The following PHF21A variants were observed in gnomAD, a reference collection of about 807,000 sequenced individuals.
PHF21A encodes the protein PHD finger protein 21A, also known as BHC80a.
Under a neutral mutation model 82.5 loss-of-function variants are expected in PHF21A, and 11 were observed. The ratio of observed to expected loss-of-function variants is 0.13; its 90% CI spans 0.08 to 0.22. PHF21A has a LOEUF of 0.22. PHF21A is among the 10% of genes least tolerant of loss of function. The pLI, the probability that PHF21A is intolerant of heterozygous loss-of-function variation, is 1.00. For synonymous variants in PHF21A, 297 were observed against 302.8 expected (o/e 0.98, Z 0.20); for missense variants, 579 against 837.8 (o/e 0.69, Z 3.81).
intron 6 of PHF21A, among the ~76,000 whole-genome samples, chr11:46,071,839 C>G (rs942144092): frequency 3.3e-5 from 5 of 151,808 alleles, no homozygotes; most frequent in Non-Finnish European, 5.9e-5. Context: ...ATCATGTTCT[C>G]AAAGAACACT....
chr11:46,039,447 C>G (rs941354045), intron 6 of PHF21A, among the ~76,000 whole-genome samples: 1 of 152,098 alleles, frequency 6.6e-6, no homozygotes, highest in African/African-American at 2.4e-5. Flanking sequence ...ATGGGGAAGC[C>G]TGAGAATAGT....
At chr11:45,937,225 CT>C (rs1458752368) in intron 16 of PHF21A, among the ~76,000 whole-genome samples, 1 of 152,126 alleles carries the variant, frequency 6.6e-6, no homozygotes, top group African/African-American at 2.4e-5. Flanking sequence ...AGCTATTGGG[CT>C]TGCTTATTTA....
chr11:45,939,876 C>G (rs1208300636), intron 15 of PHF21A, among the ~76,000 whole-genome samples: 2 of 151,464 alleles, frequency 1.3e-5, no homozygotes, highest in Non-Finnish European at 2.9e-5. Flanking sequence ...ATAAGAACAC[C>G]AGGGAAGGGA....
At chr11:46,114,886 C>T (rs2097269231) in intron 1 of PHF21A, among the ~76,000 whole-genome samples, 1 of 152,066 alleles carries the variant, frequency 6.6e-6, no homozygotes. Context: ...AAAACAAAAC[C>T]CATCTTTTTG....
chr11:45,976,896 A>T (rs985687327), intron 7 of PHF21A, among the ~76,000 whole-genome samples: 9 of 152,204 alleles, frequency 5.9e-5, no homozygotes, highest in African/African-American at 2.2e-4. Flanking sequence ...CAAAAACCAA[A>T]AACTCAGAGG....
intron 1 of PHF21A, among the ~76,000 whole-genome samples, chr11:46,109,585 A>G (rs2097188341): frequency 6.6e-6 from 1 of 152,190 alleles, no homozygotes; most frequent in Admixed American, 6.5e-5. Context: ...CATTCCCATG[A>G]CAACACACCA....
intron 6 of PHF21A, among the ~76,000 whole-genome samples, chr11:46,074,793 G>A (rs898635100): frequency 2.6e-5 from 4 of 152,186 alleles, no homozygotes; most frequent in South Asian, 2.1e-4. Flanking sequence ...GTGAGCCACC[G>A]TGCCTGGCCA....
intron 11 of PHF21A, 36 bp from the exon 12 acceptor site, chr11:45,950,293 T>C: frequency 6.3e-7 from 1 of 1,594,958 alleles, no homozygotes; most frequent in Non-Finnish European, 8.6e-7. Context: ...TATGCTTCAG[T>C]CTGGGTTCTC....
intron 6 of PHF21A, among the ~76,000 whole-genome samples, chr11:46,058,886 G>GTC: frequency 6.6e-6 from 1 of 152,266 alleles, no homozygotes; most frequent in East Asian, 1.9e-4. Context: ...TGCCTGCTAC[G>GTC]AGTACAGAAG....
chr11:45,978,684 T>C (rs1194168078), intron 7 of PHF21A, among the ~76,000 whole-genome samples: 1 of 152,250 alleles, frequency 6.6e-6, no homozygotes, highest in Non-Finnish European at 1.5e-5. Flanking sequence ...ATGTATATTC[T>C]TCTGGAGAGG....
intron 6 of PHF21A, among the ~76,000 whole-genome samples, chr11:46,047,047 C>T (rs921098388): frequency 1.3e-5 from 2 of 152,168 alleles, no homozygotes; most frequent in Non-Finnish European, 2.9e-5. Context: ...AAACATTCTT[C>T]TCATGTTTAA....
At chr11:46,022,835 T>G (rs2095658014) in intron 6 of PHF21A, among the ~76,000 whole-genome samples, 1 of 152,040 alleles carries the variant, frequency 6.6e-6, no homozygotes, top group African/African-American at 2.4e-5. Context: ...CAGGCTGGAG[T>G]GCAGTGGTGA....
At chr11:46,016,191 T>C (rs534833882) in intron 6 of PHF21A, among the ~76,000 whole-genome samples, 25 of 152,216 alleles carry the variant, frequency 1.6e-4, no homozygotes, top group Non-Finnish European at 3.2e-4. Context: ...ACCACCATCA[T>C]ATATGTGGTC....
At chr11:45,947,773 A>G (rs1057432617) in intron 14 of PHF21A, among the ~76,000 whole-genome samples, 6 of 152,178 alleles carry the variant, frequency 3.9e-5, no homozygotes, top group African/African-American at 1.4e-4. Flanking sequence ...AAAATCACCA[A>G]GCACAAAACA....
chr11:46,007,844 G>T (rs2095331227), intron 6 of PHF21A, among the ~76,000 whole-genome samples: 1 of 152,084 alleles, frequency 6.6e-6, no homozygotes, highest in Non-Finnish European at 1.5e-5. Context: ...TTTAGAACAA[G>T]GGACTTTTCC....
At chr11:45,949,590 A>G in intron 12 of PHF21A, 109 bp from the exon 13 acceptor site, 1 of 936,528 alleles carries the variant, frequency 1.1e-6, no homozygotes, top group Admixed American at 1.8e-5. Context: ...AATCAGGGAC[A>G]AGTCTCTGTT....
intron 6 of PHF21A, among the ~76,000 whole-genome samples, chr11:46,021,836 G>A (rs2095638395): frequency 6.6e-6 from 1 of 152,008 alleles, no homozygotes; most frequent in African/African-American, 2.4e-5. Flanking sequence ...TTATAGGCAT[G>A]AGCCACCATG....
chr11:46,100,368 T>A (rs1334278522), intron 1 of PHF21A, among the ~76,000 whole-genome samples: 1 of 152,260 alleles, frequency 6.6e-6, no homozygotes, highest in East Asian at 1.9e-4. Context: ...TTCCACCTTA[T>A]AAATAACGTT....
chr11:45,966,273 A>C (rs1164320099), intron 9 of PHF21A, among the ~76,000 whole-genome samples: 7 of 152,196 alleles, frequency 4.6e-5, no homozygotes, highest in Non-Finnish European at 1.0e-4. Flanking sequence ...AAAAGTTCAA[A>C]ATCAACATGT....
Sources: gnomAD v4.1 joint callset for allele counts (sites outside exome capture counted in the v4.1 genomes callset) on GRCh38, gnomAD v4.1.1 for gene constraint, MANE v1.5 for transcripts, NCBI Gene and HGNC (gene_info 2026-07-23, HGNC 2026-07-21) for gene names.